Variants in LRP1B observed in about 807,000 individuals in gnomAD.
LRP1B encodes the protein low-density lipoprotein receptor-related protein 1B.
LRP1B carries 217 observed loss-of-function variants against 556.6 expected under a neutral mutation model. The ratio of observed to expected loss-of-function variants is 0.39; its 90% CI spans 0.35 to 0.44. The LOEUF (loss-of-function observed/expected upper bound fraction) is 0.44, where lower values mean the gene tolerates loss of function less well. Among genes scored for constraint, LRP1B ranks in the 20% least tolerant of loss-of-function variants. The probability of loss-of-function intolerance (pLI) is 1.00; values close to 1 mark genes in which losing one functional copy is unlikely to be tolerated. For synonymous variants in LRP1B, 2,047 were observed against 1,865.8 expected (o/e 1.10, Z -2.50); for missense variants, 5,053 against 5,620.8 (o/e 0.90, Z 3.23).
intron 60 of LRP1B, among the ~76,000 whole-genome samples, chr2:140,470,055 T>C (rs912349907): frequency 6.6e-6 from 1 of 152,148 alleles, no homozygotes; most frequent in Admixed American, 6.5e-5. Context: ...GTTCTTGGAA[T>C]CCCATTAGGC....
intron 2 of LRP1B, among the ~76,000 whole-genome samples, chr2:141,615,552 A>T (rs1481406585): frequency 7.1e-6 from 1 of 140,008 alleles, no homozygotes; most frequent in East Asian, 2.5e-4. Flanking sequence ...GATTTATAAA[A>T]TTTTATATTT....
chr2:141,124,182 G>A (rs1224670177), intron 7 of LRP1B, among the ~76,000 whole-genome samples: 1 of 152,142 alleles, frequency 6.6e-6, no homozygotes, highest in African/African-American at 2.4e-5. Flanking sequence ...GAGAGGCCCA[G>A]AATTGATAGT....
At chr2:141,286,205 C>A (rs1237898278) in intron 3 of LRP1B, among the ~76,000 whole-genome samples, 1 of 151,798 alleles carries the variant, frequency 6.6e-6, no homozygotes, top group Admixed American at 6.6e-5. Context: ...TTTCTATGTG[C>A]CTTTTGAAAT....
At chr2:141,374,730 T>C (rs969316431) in intron 3 of LRP1B, among the ~76,000 whole-genome samples, 2 of 152,160 alleles carry the variant, frequency 1.3e-5, no homozygotes, top group Admixed American at 1.3e-4. Context: ...TTTTAAAGCT[T>C]TCTTATCTCC....
At chr2:141,116,238 G>A (rs1004109511) in intron 7 of LRP1B, among the ~76,000 whole-genome samples, 2 of 152,042 alleles carry the variant, frequency 1.3e-5, no homozygotes, top group South Asian at 2.1e-4. Context: ...ACAATTATGA[G>A]AGGAAACGTT....
intron 7 of LRP1B, among the ~76,000 whole-genome samples, chr2:141,138,062 CTATGA>C (rs1317579630): frequency 6.6e-6 from 1 of 151,752 alleles, no homozygotes. Context: ...GAATTAAATC[CTATGA>C]TATATTAAAA....
At chr2:141,838,300 G>A (rs1262329128) in intron 1 of LRP1B, among the ~76,000 whole-genome samples, 2 of 152,072 alleles carry the variant, frequency 1.3e-5, no homozygotes, top group Non-Finnish European at 2.9e-5. Flanking sequence ...GACCAGAACT[G>A]ACTCCTGGCC....
At chr2:142,067,468 T>A (rs1238495462) in intron 1 of LRP1B, among the ~76,000 whole-genome samples, 1 of 151,586 alleles carries the variant, frequency 6.6e-6, no homozygotes, top group Admixed American at 6.6e-5. Context: ...GAGAGCAGCA[T>A]GTTCTTTGAA....
At position 141,961,768 on chromosome 2, in the gene LRP1B, C is replaced by T. The variant is rs142811871; in HGVS notation, c.83-151367G>A. Among the ~76,000 whole-genome samples, 80 of 151,594 alleles carry T rather than the reference C, an allele frequency of 5.3e-4. 1 individual carries two copies. Among genetic ancestry groups the T allele is most frequent in the African/African-American group, 1.9e-3 (77 of 41,458 alleles). ...TTTGAAATGGTGTAATGTATATTTGCCTTTAAAAAATTTAGATCTCTGTTG... is the reference window on the plus strand; with the variant it reads ...TTTGAAATGGTGTAATGTATATTTGTCTTTAAAAAATTTAGATCTCTGTTG... On this transcript the variant is annotated intron_variant, in intron 1 of 90. Coordinates refer to ENST00000389484, the MANE Select transcript of LRP1B (RefSeq NM_018557.3).
intron 41 of LRP1B, among the ~76,000 whole-genome samples, chr2:140,686,109 T>G (rs1009078687): frequency 2.0e-5 from 3 of 151,964 alleles, no homozygotes; most frequent in African/African-American, 7.2e-5. Flanking sequence ...GGAGTAAACA[T>G]GTGGTTAAGA....
chr2:140,842,299 G>A (rs1041899498), intron 29 of LRP1B, among the ~76,000 whole-genome samples: 7 of 152,204 alleles, frequency 4.6e-5, no homozygotes, highest in African/African-American at 1.7e-4. Context: ...TGGCAGTTCT[G>A]AGTCAGCCTT....
At position 141,189,638 on chromosome 2, in the gene LRP1B, T is replaced by C. The variant is rs550911357; in HGVS notation, c.851-1055A>G. On this transcript the variant is annotated intron_variant, in intron 6 of 90. Transcript: ENST00000389484. ...TAATTTGGCCTCAGCTTCTTCCTTT[T>C]AGGTCAACAATAAAAAAATTCCATA... Among the ~76,000 whole-genome samples, 9 of 150,938 alleles carry C rather than the reference T, an allele frequency of 6.0e-5. No individual in the cohort carries two copies. The East Asian group carries it at 1.8e-3, about 29-fold the overall frequency.
intron 27 of LRP1B, among the ~76,000 whole-genome samples, chr2:140,862,828 A>G (rs182354000): frequency 3.3e-5 from 5 of 152,304 alleles, no homozygotes; most frequent in African/African-American, 1.2e-4. Flanking sequence ...ATTACAGGGA[A>G]GCATCATCCA....
At chr2:141,770,865 C>T (rs892810119) in intron 2 of LRP1B, among the ~76,000 whole-genome samples, 2 of 152,178 alleles carry the variant, frequency 1.3e-5, no homozygotes, top group African/African-American at 4.8e-5. Context: ...TAACGTTTTT[C>T]AATCTTCACA....
chr2:140,809,444 C>T (rs13036169), intron 32 of LRP1B, among the ~76,000 whole-genome samples: 26,924 of 151,962 alleles, frequency 0.18, 2,774 homozygotes, highest in Non-Finnish European at 0.23. Context: ...CATCATAATT[C>T]CTGCCACTCC....
At chr2:140,464,291 GCATCCATGGCC>G (rs1308326059) in intron 60 of LRP1B, among the ~76,000 whole-genome samples, 1 of 151,864 alleles carries the variant, frequency 6.6e-6, no homozygotes, top group East Asian at 1.9e-4. Flanking sequence ...AGAGCTGAAG[GCATCCATGGCC>G]CATTATTTTC....
In LRP1B at chr2:141,272,133, A is replaced by G. The variant is rs12614122; in HGVS notation, c.344-17492T>C. ...AAAGTAACAATTATAGCTATGTATT[A>G]TTGGGTTTATAACACAATGACTTAA... On this transcript the variant is annotated intron_variant, in intron 3 of 90. Coordinates refer to ENST00000389484, the MANE Select transcript of LRP1B (RefSeq NM_018557.3). Among the ~76,000 whole-genome samples, 425 of 152,186 alleles carry G rather than the reference A, an allele frequency of 2.8e-3. 18 individuals are homozygous for G. The East Asian group carries it at 0.063, about 23-fold the overall frequency.
chr2:140,769,167 T>G (rs370134848), intron 35 of LRP1B, 46 bp downstream of exon 35: 45 of 1,545,890 alleles, frequency 2.9e-5, no homozygotes, highest in Non-Finnish European at 3.8e-5. Context: ...GTTTAATAAA[T>G]CAAGTGAATA....
chr2:140,247,430 C>T (rs574276550), intron 86 of LRP1B, among the ~76,000 whole-genome samples: 3 of 151,572 alleles, frequency 2.0e-5, no homozygotes, highest in East Asian at 1.9e-4. Flanking sequence ...CATTTTATAG[C>T]GATATTGAAA....
Sources: gnomAD v4.1 joint callset for allele counts (sites outside exome capture counted in the v4.1 genomes callset) on GRCh38, gnomAD v4.1.1 for gene constraint, MANE v1.5 for transcripts, NCBI Gene and HGNC (gene_info 2026-07-23, HGNC 2026-07-21) for gene names.